Variants in EYS observed in about 807,000 individuals in gnomAD.
EYS encodes the protein EGF-like photoreceptor maintenance factor, also known as protein eyes shut homolog.
EYS carries 250 observed loss-of-function variants against 282.1 expected under a neutral mutation model. The ratio of observed to expected loss-of-function variants is 0.89; its 90% CI spans 0.80 to 0.98. The LOEUF is 0.98. Ranked by LOEUF, EYS falls within the 50% of genes least tolerant of loss-of-function variation. The pLI, the probability that EYS is intolerant of heterozygous loss-of-function variation, is 0.00. For synonymous variants in EYS, 1,355 were observed against 1,282.9 expected (o/e 1.06, Z -1.20); for missense variants, 4,016 against 3,709.0 (o/e 1.08, Z -2.15).
intron 13 of EYS, among the ~76,000 whole-genome samples, chr6:65,005,103 C>T (rs1024386415): frequency 3.4e-5 from 5 of 147,696 alleles, no homozygotes; most frequent in Non-Finnish European, 4.5e-5. Context: ...GCTGAGCTTT[C>T]GCTTGCCGTC....
chr6:64,082,390 C>T (rs906507090), intron 31 of EYS, among the ~76,000 whole-genome samples: 2 of 152,022 alleles, frequency 1.3e-5, no homozygotes, highest in South Asian at 2.1e-4. Flanking sequence ...TTTGTGTTTA[C>T]ATTGTAGGTA....
At chr6:64,247,988 A>G (rs1471257844) in intron 30 of EYS, among the ~76,000 whole-genome samples, 1 of 152,200 alleles carries the variant, frequency 6.6e-6, no homozygotes, top group Non-Finnish European at 1.5e-5. Flanking sequence ...AGTAAGAACT[A>G]TCAATAAGAA....
intron 24 of EYS, among the ~76,000 whole-genome samples, chr6:64,606,365 G>C (rs901953148): frequency 6.6e-6 from 1 of 151,866 alleles, no homozygotes; most frequent in African/African-American, 2.4e-5. Flanking sequence ...GAGCCAATCT[G>C]AGCAAACAAA....
Position 65,238,593 on chromosome 6 carries a change from C to T in EYS, c.2023+57270G>A, listed in dbSNP as rs1055089401. Among the ~76,000 whole-genome samples, 7 of 151,700 alleles carry T rather than the reference C, an allele frequency of 4.6e-5. No homozygotes were observed. In the South Asian group the frequency reaches 8.3e-4, roughly 18 times the overall value. ...GAGACAGAACTAAAAATAAAGTGTA[C>T]GAAAGCACTTTTAAAAAATAATGAT... is the stretch of plus-strand genomic sequence containing the variant. On this transcript the variant is annotated intron_variant, in intron 12 of 42. Transcript: ENST00000503581.
At chr6:65,418,819 AT>A (rs1174406180) in intron 5 of EYS, among the ~76,000 whole-genome samples, 2 of 151,914 alleles carry the variant, frequency 1.3e-5, no homozygotes, top group African/African-American at 2.4e-5. Context: ...CATGTATCCC[AT>A]TTTTTTAGAA....
intron 18 of EYS, 96 bp from the exon 19 acceptor site, chr6:64,886,938 A>G (rs1767109554): frequency 2.5e-6 from 2 of 785,256 alleles, no homozygotes; most frequent in African/African-American, 1.9e-5. Flanking sequence ...AAGACATTCA[A>G]CTTAATTGAA....
intron 12 of EYS, among the ~76,000 whole-genome samples, chr6:65,253,396 G>A (rs1320532926): frequency 6.6e-6 from 1 of 151,806 alleles, no homozygotes; most frequent in African/African-American, 2.4e-5. Flanking sequence ...ATTGAAATAT[G>A]TGAAAATAAA....
chr6:65,348,776 G>A (rs999507436), intron 9 of EYS, among the ~76,000 whole-genome samples: 1 of 151,626 alleles, frequency 6.6e-6, no homozygotes, highest in Non-Finnish European at 1.5e-5. Flanking sequence ...TATTACTCAA[G>A]AAATCTTTGC....
intron 8 of EYS, among the ~76,000 whole-genome samples, chr6:65,361,265 A>G (rs9445520): frequency 0.22 from 33,190 of 151,776 alleles, 3,800 homozygotes; most frequent in South Asian, 0.37. Flanking sequence ...TTAATGTTAA[A>G]TGACGAGTTA....
At chr6:65,499,902 TA>T (rs1255414485) in intron 2 of EYS, among the ~76,000 whole-genome samples, 1 of 152,006 alleles carries the variant, frequency 6.6e-6, no homozygotes, top group Non-Finnish European at 1.5e-5. Context: ...CCTTCTTTAG[TA>T]CACTGTCTTG....
intron 26 of EYS, among the ~76,000 whole-genome samples, chr6:64,585,555 G>A (rs34148654): frequency 0.1 from 15,354 of 152,042 alleles, 928 homozygotes; most frequent in East Asian, 0.17. Context: ...GGCCTGAAAC[G>A]TAGAGAACGA....
At chr6:65,163,359 T>G (rs1312907478) in intron 12 of EYS, among the ~76,000 whole-genome samples, 1 of 151,288 alleles carries the variant, frequency 6.6e-6, no homozygotes, top group East Asian at 2.0e-4. Flanking sequence ...GAATTACCAT[T>G]TTTTCAAAGA....
At chr6:64,878,992 T>C (rs1766835550) in intron 19 of EYS, among the ~76,000 whole-genome samples, 1 of 152,182 alleles carries the variant, frequency 6.6e-6, no homozygotes, top group South Asian at 2.1e-4. Context: ...CGCATTTTTG[T>C]TTGCATTATA....
At chr6:63,950,325 A>G (rs188263247) in intron 35 of EYS, among the ~76,000 whole-genome samples, 1 of 152,288 alleles carries the variant, frequency 6.6e-6, no homozygotes, top group East Asian at 1.9e-4. Flanking sequence ...TCCTGCCTTA[A>G]CTGATGACAT....
chr6:64,516,128 C>A (rs1777554304), intron 26 of EYS, among the ~76,000 whole-genome samples: 1 of 151,650 alleles, frequency 6.6e-6, no homozygotes. Context: ...CTCATGGACA[C>A]ATAGAGGGGG....
At chr6:64,687,918 T>G (rs1770217699) in intron 22 of EYS, among the ~76,000 whole-genome samples, 1 of 152,198 alleles carries the variant, frequency 6.6e-6, no homozygotes, top group Non-Finnish European at 1.5e-5. Flanking sequence ...TATTGGTCTG[T>G]TCAGGGATTC....
intron 26 of EYS, among the ~76,000 whole-genome samples, chr6:64,467,323 C>T (rs1339041760): frequency 6.6e-6 from 1 of 152,006 alleles, no homozygotes. Flanking sequence ...TATATAATGT[C>T]AGTAGGGCTA....
At chr6:65,070,858 G>A (rs565745925) in intron 12 of EYS, among the ~76,000 whole-genome samples, 14 of 151,672 alleles carry the variant, frequency 9.2e-5, no homozygotes, top group Middle Eastern at 3.4e-3. Context: ...CTCTATGCCC[G>A]GCACTATTCA....
intron 31 of EYS, among the ~76,000 whole-genome samples, chr6:64,154,562 G>A (rs1232993307): frequency 6.6e-6 from 1 of 151,602 alleles, no homozygotes; most frequent in African/African-American, 2.4e-5. Flanking sequence ...AAATGGCAGG[G>A]TAGCTACTTG....
Sources: gnomAD v4.1 joint callset for allele counts (sites outside exome capture counted in the v4.1 genomes callset) on GRCh38, gnomAD v4.1.1 for gene constraint, MANE v1.5 for transcripts, NCBI Gene and HGNC (gene_info 2026-07-23, HGNC 2026-07-21) for gene names.